Variants in TP53BP2 observed in about 807,000 individuals in gnomAD.
TP53BP2 encodes the protein apoptosis-stimulating of p53 protein 2.
TP53BP2 carries 62 observed loss-of-function variants against 126.2 expected under a neutral mutation model. The observed-to-expected ratio is 0.49, with a 90% CI of 0.40 to 0.61. TP53BP2 has a LOEUF of 0.61. Among genes scored for constraint, TP53BP2 ranks in the 20% least tolerant of loss-of-function variants. The pLI is 0.00. For missense variants in TP53BP2, 1,215 were observed against 1,402.8 expected (o/e 0.87, Z 2.14); for synonymous variants, 485 against 502.9 (o/e 0.96, Z 0.48).
chr1:223,804,420 G>A, intron 5 of TP53BP2, 72 bp from the exon 6 acceptor site: 1 of 1,368,888 alleles, frequency 7.3e-7, no homozygotes, highest in Non-Finnish European at 1.0e-6. Flanking sequence ...TAGCCTAACT[G>A]CAACACTTAG....
rs142734745 is a variant in TP53BP2, at chr1:223,802,342, A to C, written c.999T>G (p.Val333=). ...AALQQKENLP[V]SSDGNLPQQA... is the part of the protein sequence containing the mutation. ...GCTGGGGAAGATTTCCATCAGATGA[A>C]ACCTTAGGAAAGAAGCACAGGTCCT... The change falls in exon 9 of 18, where the codon GTT becomes GTG. Residue 333 remains valine (V), a splice_region_variant and synonymous_variant. Coordinates refer to ENST00000343537, the MANE Select transcript of TP53BP2 (RefSeq NM_001031685.3). 8 of 1,613,738 alleles carry C rather than the reference A, an allele frequency of 5.0e-6. No individual in the cohort carries two copies. The African/African-American group carries it at 6.7e-5, about 13-fold the overall frequency.
Position 223,779,916 on chromosome 1 carries a change from T to A in TP53BP2, c.*937A>T, listed in dbSNP as rs2102823542. ...TATCACCATGATCTCTACAGTATTT[T>A]ATTTTAAAAACCACTTACATTGAAT... is the stretch of plus-strand genomic sequence containing the variant. On this transcript the variant is annotated 3_prime_UTR_variant, in exon 18 of 18. Transcript: ENST00000343537. 6.6e-6 allele frequency: 1 copy of A among 152,358 alleles called. No individual in the cohort carries two copies. The highest frequency in any genetic ancestry group is 2.4e-5 in the African/African-American group (1 of 41,594). The allele number at this position is 152,358 out of a possible 1,614,324, so 9.4% of individuals were successfully genotyped here.
intron 1 of TP53BP2, among the ~76,000 whole-genome samples, chr1:223,828,860 G>A (rs993661995): frequency 7.2e-5 from 11 of 152,082 alleles, no homozygotes; most frequent in Non-Finnish European, 1.6e-4. Context: ...AAAGGTATGG[G>A]GTTTCTTTCT....
intron 1 of TP53BP2, among the ~76,000 whole-genome samples, chr1:223,832,904 G>A (rs998163407): frequency 2.0e-5 from 3 of 152,080 alleles, no homozygotes; most frequent in Admixed American, 1.3e-4. Context: ...GTCCTTCCTC[G>A]TCTCCCCAAT....
intron 13 of TP53BP2, among the ~76,000 whole-genome samples, chr1:223,795,314 C>T (rs1030986823): frequency 2.0e-5 from 3 of 152,216 alleles, no homozygotes; most frequent in African/African-American, 7.2e-5. Context: ...GTTACCCCTC[C>T]CTGCCCTCAC....
rs188391268 is a variant in TP53BP2, at chr1:223,783,880, G to C, written c.3363+235C>G. Among the ~76,000 whole-genome samples the C allele has an allele frequency of 2.6e-3, 403 of 152,236 alleles. 1 individual carries two copies. The highest frequency in any genetic ancestry group is 9.3e-3 in the African/African-American group (388 of 41,546). The stretch of plus-strand genomic sequence containing the variant: ...CAATCATATTATCCAGTTATCTTTA[G>C]TCTGTTTATAAATGTAGGGAGGACC... On this transcript the variant is annotated intron_variant, in intron 17 of 17. Transcript: ENST00000343537.
At chr1:223,804,111 C>A in intron 6 of TP53BP2, 63 bp downstream of exon 6, 1 of 1,532,400 alleles carries the variant, frequency 6.5e-7, no homozygotes, top group South Asian at 1.3e-5. Flanking sequence ...ACAGTAAGAC[C>A]CTGTCTCAAA....
chr1:223,845,570 G>A (rs1028709747), intron 1 of TP53BP2, 84 bp downstream of exon 1: 3 of 1,384,178 alleles, frequency 2.2e-6, no homozygotes, highest in East Asian at 3.1e-5. Context: ...CTCCTTCCCC[G>A]ACGCGCCCGA....
intron 1 of TP53BP2, among the ~76,000 whole-genome samples, chr1:223,843,916 A>C (rs1174576176): frequency 6.6e-6 from 1 of 152,240 alleles, no homozygotes; most frequent in Non-Finnish European, 1.5e-5. Context: ...TCTCCACTTT[A>C]ACCAACATTG....
At chr1:223,814,518 C>A (rs1233665592) in intron 2 of TP53BP2, among the ~76,000 whole-genome samples, 165 bp from the exon 3 acceptor site, 1 of 152,174 alleles carries the variant, frequency 6.6e-6, no homozygotes, top group African/African-American at 2.4e-5. Context: ...TGAAGTCACA[C>A]AGATTTTCCA....
intron 1 of TP53BP2, among the ~76,000 whole-genome samples, chr1:223,834,650 A>T (rs1273384108): frequency 6.6e-6 from 1 of 152,198 alleles, no homozygotes; most frequent in Admixed American, 6.5e-5. Flanking sequence ...TCTACTCCAC[A>T]GTTATAGCCT....
chr1:223,827,099 G>T (rs1010354767), intron 1 of TP53BP2, among the ~76,000 whole-genome samples: 2 of 152,126 alleles, frequency 1.3e-5, no homozygotes, highest in Non-Finnish European at 2.9e-5. Context: ...ACATTCAAAC[G>T]GAGACATGAA....
At chr1:223,804,448 C>T (rs1196105793) in intron 5 of TP53BP2, 100 bp from the exon 6 acceptor site, 6 of 1,076,762 alleles carry the variant, frequency 5.6e-6, no homozygotes, top group South Asian at 5.4e-5. Flanking sequence ...GATTGAGGTA[C>T]ACTTGTAACC....
At chr1:223,828,854 G>A (rs536459996) in intron 1 of TP53BP2, among the ~76,000 whole-genome samples, 5 of 152,242 alleles carry the variant, frequency 3.3e-5, no homozygotes, top group African/African-American at 9.6e-5. Context: ...ACTGATAAAG[G>A]TATGGGGTTT....
intron 4 of TP53BP2, among the ~76,000 whole-genome samples, chr1:223,807,982 G>C (rs1331711818): frequency 6.6e-6 from 1 of 152,108 alleles, no homozygotes; most frequent in Non-Finnish European, 1.5e-5. Flanking sequence ...AAATAACTCT[G>C]AAAAGAATCA....
In TP53BP2 at chr1:223,804,365, T is replaced by A; in HGVS notation, c.475-17A>T. ...GCGCTGTTCCTAAAAATAAAAGTAA[T>A]CATTAGGTATGTCATTTTAGGTAAG... On this transcript the variant is annotated splice_polypyrimidine_tract_variant and intron_variant, in intron 5 of 17. Coordinates refer to ENST00000343537, the MANE Select transcript of TP53BP2 (RefSeq NM_001031685.3). The A allele has an allele frequency of 1.9e-6, 3 of 1,610,724 alleles. No homozygotes were observed.
chr1:223,839,180 A>G (rs998324237), intron 1 of TP53BP2, among the ~76,000 whole-genome samples: 1 of 152,220 alleles, frequency 6.6e-6, no homozygotes, highest in African/African-American at 2.4e-5. Context: ...TCTTGAACAG[A>G]GTATGTGTTT....
intron 1 of TP53BP2, among the ~76,000 whole-genome samples, chr1:223,842,063 C>T (rs928847989): frequency 3.0e-4 from 45 of 152,188 alleles, no homozygotes; most frequent in Non-Finnish European, 2.9e-5. Flanking sequence ...CCTCAGCCTC[C>T]TGAGTAGCTG....
At chr1:223,800,122 C>T in intron 10 of TP53BP2, 75 bp from the exon 11 acceptor site, 1 of 1,405,252 alleles carries the variant, frequency 7.1e-7, no homozygotes, top group Non-Finnish European at 9.5e-7. Context: ...AGTTTCTCTC[C>T]CCTAAATCTC....
Sources: allele counts gnomAD v4.1 joint callset (sites outside exome capture counted in the v4.1 genomes callset), GRCh38; gene constraint gnomAD v4.1.1; transcripts MANE v1.5; gene names NCBI Gene and HGNC (gene_info 2026-07-23, HGNC 2026-07-21).